The following TCF4 variants were observed in gnomAD, a reference collection of about 807,000 sequenced individuals.
TCF4 encodes the protein transcription factor 4.
Under a neutral mutation model 82.1 loss-of-function variants are expected in TCF4, and 3 were observed. The ratio of observed to expected loss-of-function variants is 0.04; its 90% CI spans 0.02 to 0.09. The LOEUF is 0.09. Ranked by LOEUF, TCF4 falls within the 10% of genes least tolerant of loss-of-function variation. TCF4 has a pLI of 1.00. For synonymous variants in TCF4, 276 were observed against 309.6 expected (o/e 0.89, Z 1.14); for missense variants, 518 against 852.7 (o/e 0.61, Z 4.89).
intron 5 of TCF4, among the ~76,000 whole-genome samples, chr18:55,436,053 C>G (rs2095322858): frequency 6.6e-6 from 1 of 152,154 alleles, no homozygotes; most frequent in Admixed American, 6.5e-5. Flanking sequence ...AAGCACCTAC[C>G]TACATCCAGA....
chr18:55,254,455 C>T (rs758935993), intron 15 of TCF4, 42 bp downstream of exon 15: 1 of 1,581,732 alleles, frequency 6.3e-7, no homozygotes, highest in Non-Finnish European at 8.7e-7. Flanking sequence ...GAAATTCTAA[C>T]TCTATATGAT....
chr18:55,286,271 G>A (rs199867858), intron 8 of TCF4, among the ~76,000 whole-genome samples: 2 of 115,008 alleles, frequency 1.7e-5, no homozygotes, highest in Non-Finnish European at 3.6e-5. Context: ...TATATTCTTT[G>A]TTTTTAGTAC....
At position 55,542,539 on chromosome 18, in the gene TCF4, T is replaced by C. The variant is rs149538157; in HGVS notation, c.145+42741A>G. On this transcript the variant is annotated intron_variant, in intron 3 of 19. Coordinates refer to ENST00000354452, the MANE Select transcript of TCF4 (RefSeq NM_001083962.2). ...TGGATGAAAAACTTTGCAAAATACT[T>C]ACCAGTAATAACATTCTCTTATAGA... 2.0e-5 allele frequency among the ~76,000 whole-genome samples: 3 copies of C among 152,110 alleles called. No individual in the cohort carries two copies. The East Asian group carries it at 5.8e-4, about 29-fold the overall frequency.
chr18:55,477,766 T>C (rs760466831), intron 3 of TCF4, among the ~76,000 whole-genome samples: 3 of 152,212 alleles, frequency 2.0e-5, no homozygotes, highest in Non-Finnish European at 4.4e-5. Flanking sequence ...AAAATACATC[T>C]GCCTTACTTT....
At chr18:55,563,074 T>C (rs1026156565) in intron 3 of TCF4, among the ~76,000 whole-genome samples, 11 of 151,762 alleles carry the variant, frequency 7.2e-5, no homozygotes, top group Non-Finnish European at 1.5e-5. Flanking sequence ...ACCCTGTCTT[T>C]ACAATAATAC....
intron 10 of TCF4, among the ~76,000 whole-genome samples, chr18:55,273,533 A>T (rs1232495412): frequency 1.3e-5 from 2 of 152,196 alleles, no homozygotes; most frequent in African/African-American, 2.4e-5. Flanking sequence ...AGATTTTCAC[A>T]TGGTTAAATA....
At chr18:55,440,111 C>T (rs1196601859) in intron 5 of TCF4, among the ~76,000 whole-genome samples, 4 of 151,988 alleles carry the variant, frequency 2.6e-5, no homozygotes, top group Non-Finnish European at 5.9e-5. Flanking sequence ...TGCCTGTTTC[C>T]ACTCTGGGTG....
chr18:55,484,691 C>T (rs1441407594), intron 3 of TCF4, among the ~76,000 whole-genome samples: 1 of 152,252 alleles, frequency 6.6e-6, no homozygotes, highest in African/African-American at 2.4e-5. Flanking sequence ...TATGACTGTA[C>T]CCCATGTGTT....
intron 15 of TCF4, among the ~76,000 whole-genome samples, chr18:55,253,556 T>G (rs565800092): frequency 6.6e-6 from 1 of 152,182 alleles, no homozygotes; most frequent in Admixed American, 6.6e-5. Flanking sequence ...TCAAAAAGAA[T>G]TATCTCCAAA....
chr18:55,398,595 A>C (rs1292833484), intron 6 of TCF4, among the ~76,000 whole-genome samples: 6 of 152,186 alleles, frequency 3.9e-5, no homozygotes, highest in African/African-American at 1.4e-4. Context: ...GCATGTTAGA[A>C]GGAAGAGCTT....
chr18:55,325,976 A>G (rs1319987288), intron 8 of TCF4, among the ~76,000 whole-genome samples: 1 of 152,188 alleles, frequency 6.6e-6, no homozygotes, highest in Non-Finnish European at 1.5e-5. Flanking sequence ...AATTTAAAGA[A>G]CATATAATAA....
chr18:55,412,786 G>A (rs560753422), intron 5 of TCF4, among the ~76,000 whole-genome samples: 2 of 152,242 alleles, frequency 1.3e-5, no homozygotes, highest in South Asian at 2.1e-4. Flanking sequence ...ATCAGCAGCC[G>A]CATTTCACCA....
chr18:55,404,907 T>TA (rs1459769869), intron 5 of TCF4, among the ~76,000 whole-genome samples: 15 of 152,242 alleles, frequency 9.9e-5, no homozygotes, highest in African/African-American at 3.6e-4. Flanking sequence ...TAATGAATCT[T>TA]AAAGTTGGGA....
chr18:55,479,728 G>A (rs2096379938), intron 3 of TCF4, among the ~76,000 whole-genome samples: 1 of 152,126 alleles, frequency 6.6e-6, no homozygotes, highest in Non-Finnish European at 1.5e-5. Context: ...GCCCACCCAC[G>A]TTGCTCTGTG....
At chr18:55,542,703 C>A (rs923854166) in intron 3 of TCF4, among the ~76,000 whole-genome samples, 1 of 151,916 alleles carries the variant, frequency 6.6e-6, no homozygotes, top group African/African-American at 2.4e-5. Flanking sequence ...TGTATTAGCA[C>A]TGCAATCATG....
chr18:55,591,117 A>G (rs796574634), upstream of TCF4: 14 of 152,336 alleles, frequency 9.2e-5, no homozygotes, highest in African/African-American at 3.4e-4. Flanking sequence ...TTTTACTTAC[A>G]TGTAAGTTTT....
At chr18:55,555,000 T>G (rs1470347099) in intron 3 of TCF4, among the ~76,000 whole-genome samples, 1 of 152,232 alleles carries the variant, frequency 6.6e-6, no homozygotes, top group Non-Finnish European at 1.5e-5. Context: ...CTTGATATCT[T>G]AACTGCAGGT....
At chr18:55,551,080 A>C (rs1568377867) in intron 3 of TCF4, 2 of 152,280 alleles carry the variant, frequency 1.3e-5, no homozygotes, top group African/African-American at 4.8e-5. Flanking sequence ...AGTAGCTGGG[A>C]TTACAGGCAC....
intron 15 of TCF4, among the ~76,000 whole-genome samples, chr18:55,237,933 A>G (rs1006058034): frequency 6.6e-6 from 1 of 152,274 alleles, no homozygotes; most frequent in Non-Finnish European, 1.5e-5. Flanking sequence ...TCGCTAGAAT[A>G]ACACAGAAAT....
Sources: gnomAD v4.1 joint callset for allele counts (sites outside exome capture counted in the v4.1 genomes callset) on GRCh38, gnomAD v4.1.1 for gene constraint, MANE v1.5 for transcripts, NCBI Gene and HGNC (gene_info 2026-07-23, HGNC 2026-07-21) for gene names.